MICU2: variants seen among roughly 807,000 people sequenced by gnomAD.
MICU2 encodes calcium uptake protein 2, mitochondrial.
Under a neutral mutation model 60.4 loss-of-function variants are expected in MICU2, and 64 were observed. The observed-to-expected ratio is 1.06, with a 90% CI of 0.87 to 1.31. MICU2 has a LOEUF of 1.31. Ranked by LOEUF, MICU2 falls within the 50% of genes most tolerant of loss-of-function variation. The pLI, the probability that MICU2 is intolerant of heterozygous loss-of-function variation, is 0.00. For synonymous variants in MICU2, 201 were observed against 175.0 expected, an observed-to-expected ratio of 1.15 and a Z score of -1.17; for missense variants, 569 against 531.0, an observed-to-expected ratio of 1.07 and a Z score of -0.70.
chr13:21,527,629 CT>C (rs1380666176), intron 4 of MICU2, among the ~76,000 whole-genome samples: 1 of 152,090 alleles, frequency 6.6e-6, no homozygotes, highest in African/African-American at 2.4e-5. Context: ...GGAGAAACAG[CT>C]TAATATATAT....
chr13:21,580,582 G>A (rs200267544), intron 1 of MICU2, among the ~76,000 whole-genome samples: 113 of 86,622 alleles, frequency 1.3e-3, no homozygotes, highest in African/African-American at 3.1e-3. Context: ...TGCTTGTGAA[G>A]TACTCTTAAA....
chr13:21,557,562 T>C (rs1170881576), intron 2 of MICU2, among the ~76,000 whole-genome samples: 1 of 152,216 alleles, frequency 6.6e-6, no homozygotes. Context: ...TCCAAAAAGA[T>C]ACATACTACG....
chr13:21,603,824 G>T, intron 1 of MICU2, 115 bp downstream of exon 1: 1 of 1,179,648 alleles, frequency 8.5e-7, no homozygotes, highest in Non-Finnish European at 1.2e-6. Flanking sequence ...GATCCGCAGC[G>T]GCACCTCCAC....
chr13:21,516,168 TATC>T (rs942604232), intron 6 of MICU2, among the ~76,000 whole-genome samples: 6 of 152,050 alleles, frequency 3.9e-5, no homozygotes, highest in Non-Finnish European at 8.8e-5. Context: ...AATGTACAAA[TATC>T]AGCCAATTTT....
chr13:21,604,170 C>T lies in MICU2; in HGVS notation c.-22G>A, dbSNP rs1249274973. 3.3e-6 allele frequency: 5 copies of T among 1,528,598 alleles called. No homozygotes were observed. The highest frequency in any genetic ancestry group is 2.8e-5 in the African/African-American group (2 of 70,602). 94.7% of individuals were successfully genotyped at this position (1,528,598 alleles called of 1,614,324 possible). A position where few individuals can be genotyped will look rare whatever the true frequency, so the allele number is the denominator to read the frequency against. ...CCATCTTTGCGGAAGCGCAGCTAGGCGGCGCTTCTCTCCCGGCGCCGCCGC... is the reference window on the plus strand; with the variant it reads ...CCATCTTTGCGGAAGCGCAGCTAGGTGGCGCTTCTCTCCCGGCGCCGCCGC... On this transcript the variant is annotated 5_prime_UTR_variant, in exon 1 of 12. Transcript: ENST00000382374.
At chr13:21,496,824 G>A (rs1886010538) in intron 9 of MICU2, among the ~76,000 whole-genome samples, 1 of 152,150 alleles carries the variant, frequency 6.6e-6, no homozygotes, top group Admixed American at 6.5e-5. Flanking sequence ...GGGAGGCGGA[G>A]GCGGGCGGAT....
chr13:21,524,146 T>C, intron 4 of MICU2, among the ~76,000 whole-genome samples: 1 of 152,184 alleles, frequency 6.6e-6, no homozygotes. Flanking sequence ...ATCAAAAGAT[T>C]GGTATAATAG....
intron 6 of MICU2, among the ~76,000 whole-genome samples, chr13:21,516,220 T>C (rs565035388): frequency 2.0e-5 from 3 of 152,176 alleles, no homozygotes; most frequent in African/African-American, 4.8e-5. Context: ...TCAATCCTGG[T>C]TTCTCTTTTA....
At chr13:21,596,916 G>T (rs1213840757) in intron 1 of MICU2, among the ~76,000 whole-genome samples, 2 of 152,098 alleles carry the variant, frequency 1.3e-5, no homozygotes, top group East Asian at 3.9e-4. Context: ...AATATAGTTG[G>T]TTTTTGCCAT....
At chr13:21,557,567 A>G (rs1035036819) in intron 2 of MICU2, among the ~76,000 whole-genome samples, 4 of 152,232 alleles carry the variant, frequency 2.6e-5, no homozygotes, top group Non-Finnish European at 5.9e-5. Flanking sequence ...AAAGATACAT[A>G]CTACGTAAAA....
intron 2 of MICU2, among the ~76,000 whole-genome samples, chr13:21,552,023 G>T (rs937644678): frequency 4.6e-5 from 7 of 152,050 alleles, no homozygotes; most frequent in South Asian, 4.2e-4. Flanking sequence ...ACTTCCACAA[G>T]GGTTGAACTA....
In MICU2 at chr13:21,513,257, G is replaced by A. The variant is rs375660819; in HGVS notation, c.663+1096C>T. ...TTTCCTTGTCTTGCCTTACTGGAGT[G>A]GCTAGAACTTTCAGCACTGTATTGA... On this transcript the variant is annotated intron_variant, in intron 7 of 11. Transcript: ENST00000382374. 7.4e-4 allele frequency among the ~76,000 whole-genome samples: 113 copies of A among 152,160 alleles called. 1 individual carries two copies. In the South Asian group the frequency reaches 0.023, roughly 31 times the overall value.
At chr13:21,583,951 C>T (rs6490663) in intron 1 of MICU2, among the ~76,000 whole-genome samples, 21,695 of 152,196 alleles carry the variant, frequency 0.14, 1,754 homozygotes, top group Middle Eastern at 0.23. Context: ...CTTCTAATTG[C>T]ATATACTAGT....
At chr13:21,583,340 G>GC (rs1346605544) in intron 1 of MICU2, among the ~76,000 whole-genome samples, 2 of 152,126 alleles carry the variant, frequency 1.3e-5, no homozygotes, top group African/African-American at 4.8e-5. Flanking sequence ...TCAGTATTAA[G>GC]TTTTTTAAAA....
intron 1 of MICU2, among the ~76,000 whole-genome samples, chr13:21,569,719 T>A (rs1410641011): frequency 6.6e-6 from 1 of 151,488 alleles, no homozygotes; most frequent in Non-Finnish European, 1.5e-5. Context: ...AAGTATGTAG[T>A]ATATGCAGAG....
At chr13:21,548,218 T>C (rs534364422) in intron 2 of MICU2, among the ~76,000 whole-genome samples, 2 of 152,342 alleles carry the variant, frequency 1.3e-5, no homozygotes, top group East Asian at 3.9e-4. Flanking sequence ...CAGCACATAA[T>C]GCATGGTCTC....
intron 6 of MICU2, among the ~76,000 whole-genome samples, chr13:21,514,846 A>T (rs1038415622): frequency 1.3e-5 from 2 of 151,714 alleles, no homozygotes; most frequent in Admixed American, 1.3e-4. Context: ...AATTTTTTCT[A>T]ATCATAACTC....
rs148036124 is a variant in MICU2, at chr13:21,591,138, G to A, written c.210+12801C>T. Among the ~76,000 whole-genome samples, 492 of 151,118 alleles carry A rather than the reference G, an allele frequency of 3.3e-3. 2 individuals are homozygous for A. The highest frequency in any genetic ancestry group is 0.011 in the African/African-American group (447 of 41,266). ...CATCGGTGTGTTGTATTTAGGAGAC[G>A]TGCAAAAACACATACAGGCTCAAAA... On this transcript the variant is annotated intron_variant, in intron 1 of 11. Coordinates refer to ENST00000382374, the MANE Select transcript of MICU2 (RefSeq NM_152726.3).
chr13:21,517,394 A>G (rs1423513615), intron 6 of MICU2, among the ~76,000 whole-genome samples: 1 of 152,242 alleles, frequency 6.6e-6, no homozygotes, highest in Non-Finnish European at 1.5e-5. Flanking sequence ...AAACATTTAG[A>G]TAAGCTAAGA....
Sources: allele counts gnomAD v4.1 joint callset (sites outside exome capture counted in the v4.1 genomes callset), GRCh38; gene constraint gnomAD v4.1.1; transcripts MANE v1.5; gene names NCBI Gene and HGNC (gene_info 2026-07-23, HGNC 2026-07-21).